The following CRTC1 variants were observed in gnomAD, a reference collection of about 807,000 sequenced individuals.
CRTC1 encodes the protein CREB regulated transcription coactivator 1.
CRTC1 carries 18 observed loss-of-function variants against 66.1 expected under a neutral mutation model. That is an observed-to-expected ratio of 0.27 (90% CI 0.19 to 0.40). The LOEUF (loss-of-function observed/expected upper bound fraction) is 0.40. CRTC1 is among the 10% of genes least tolerant of loss of function. The pLI is 1.00. For missense variants in CRTC1, 669 were observed against 887.9 expected (o/e 0.75, Z 3.13); for synonymous variants, 416 against 398.8 (o/e 1.04, Z -0.51).
intron 1 of CRTC1, among the ~76,000 whole-genome samples, chr19:18,736,211 C>G (rs2053993945): frequency 6.6e-6 from 1 of 152,164 alleles, no homozygotes; most frequent in Non-Finnish European, 1.5e-5. Context: ...CCTCCAAGGC[C>G]CAGGCCTCCT....
Position 18,777,295 on chromosome 19 carries a change from C to T in CRTC1, c.1818C>T (p.Thr606=), listed in dbSNP as rs1424709740. The part of the protein sequence containing the change: ...PLDELKIDPL[T]LDGLHMLNDP... The stretch of plus-strand genomic sequence containing the variant: ...ACGAACTCAAGATCGACCCCCTGAC[C>T]CTCGACGGACTGCACATGCTCAACG... Residue 606 remains threonine (T), a synonymous_variant, in exon 14 of 14, where the codon ACC becomes ACT. Transcript: ENST00000321949. The surrounding 1 kb of genome is among the most constrained non-coding windows in gnomAD (Gnocchi z 5.5). 1.2e-6 allele frequency: 2 copies of T among 1,612,138 alleles called. No homozygotes were observed. The highest frequency in any genetic ancestry group is 1.7e-6 in the Non-Finnish European group (2 of 1,179,996).
intron 1 of CRTC1, among the ~76,000 whole-genome samples, chr19:18,709,130 G>A (rs1328624093): frequency 6.6e-6 from 1 of 152,184 alleles, no homozygotes; most frequent in East Asian, 1.9e-4. Flanking sequence ...GAGGGGCCTT[G>A]TGGAGCCCAG....
In CRTC1 at chr19:18,771,817, G is replaced by T. The variant is rs2054875899; in HGVS notation, c.1425+271G>T. On this transcript the variant is annotated intron_variant, in intron 11 of 13. Coordinates refer to ENST00000321949, the MANE Select transcript of CRTC1 (RefSeq NM_015321.3). The surrounding 1 kb of genome is among the most constrained non-coding windows in gnomAD (Gnocchi z 4.6). ...CGTTAGTGACATTAGCGATGGCTGTGGCCCTGCCTGGATGTCCTCATTGAG... is the reference window on the plus strand; with the variant it reads ...CGTTAGTGACATTAGCGATGGCTGTTGCCCTGCCTGGATGTCCTCATTGAG... Among the ~76,000 whole-genome samples the T allele has an allele frequency of 6.6e-6, 1 of 152,190 alleles. No individual in the cohort carries two copies. Among genetic ancestry groups the T allele is most frequent in the African/African-American group, 2.4e-5 (1 of 41,436 alleles).
chr19:18,711,971 C>T (rs1480318209), intron 1 of CRTC1, among the ~76,000 whole-genome samples: 3 of 152,112 alleles, frequency 2.0e-5, no homozygotes, highest in African/African-American at 7.2e-5. Context: ...TTTTTTGAGA[C>T]AGGGTCTTGC....
chr19:18,683,913 G>GT, intron 1 of CRTC1, 85 bp downstream of exon 1: 1 of 152,568 alleles, frequency 6.6e-6, no homozygotes. Flanking sequence ...GGGCGGGGTG[G>GT]GGGGGGGCGC....
chr19:18,684,914 C>T (rs916967522), intron 1 of CRTC1, among the ~76,000 whole-genome samples: 3 of 152,068 alleles, frequency 2.0e-5, no homozygotes, highest in Admixed American at 2.0e-4. Flanking sequence ...AGACCTTCCT[C>T]TTGGGGCAGG....
At chr19:18,770,111 C>T (rs971390797) in intron 10 of CRTC1, among the ~76,000 whole-genome samples, 1 of 150,576 alleles carries the variant, frequency 6.6e-6, no homozygotes, top group Non-Finnish European at 1.5e-5. Flanking sequence ...AGGCCCTGGA[C>T]CGGTCAGGCT....
At chr19:18,734,956 T>G (rs898470435) in intron 1 of CRTC1, among the ~76,000 whole-genome samples, 1 of 152,166 alleles carries the variant, frequency 6.6e-6, no homozygotes, top group Non-Finnish European at 1.5e-5. Flanking sequence ...TCTGGGAGAA[T>G]GAATCGGTCA....
chr19:18,720,327 C>G (rs554416731), intron 1 of CRTC1, among the ~76,000 whole-genome samples: 1 of 151,994 alleles, frequency 6.6e-6, no homozygotes, highest in African/African-American at 2.4e-5. Context: ...CCACACCTGA[C>G]TAACTTTTGT....
chr19:18,691,173 CAG>C (rs1202976193), intron 1 of CRTC1, among the ~76,000 whole-genome samples: 1 of 141,122 alleles, frequency 7.1e-6, no homozygotes, highest in African/African-American at 2.7e-5. Context: ...GCCTGGGTGA[CAG>C]AGTGAGATCC....
At chr19:18,735,001 C>T (rs1002956990) in intron 1 of CRTC1, among the ~76,000 whole-genome samples, 4 of 152,204 alleles carry the variant, frequency 2.6e-5, no homozygotes, top group African/African-American at 4.8e-5. Context: ...ACCCCTATGG[C>T]GAGGCGTCCG....
chr19:18,778,632 C>G lies in CRTC1; in HGVS notation c.*1250C>G, dbSNP rs573074874. 4.3e-6 allele frequency: 1 copy of G among 230,800 alleles called. No homozygotes were observed. The highest frequency in any genetic ancestry group is 1.8e-4 in the South Asian group (1 of 5,510). 14.3% of individuals were successfully genotyped at this position (230,800 alleles called of 1,614,324 possible). ...GGGCCTTGGCTTTTATTGAGGGTCT[C>G]TCAAAGACCCAGCCTGCCAGCCTCT... is the stretch of plus-strand genomic sequence containing the variant. On this transcript the variant is annotated 3_prime_UTR_variant, in exon 14 of 14. Coordinates refer to ENST00000321949, the MANE Select transcript of CRTC1 (RefSeq NM_015321.3).
chr19:18,725,113 G>T (rs2053717208), intron 1 of CRTC1, among the ~76,000 whole-genome samples: 1 of 152,090 alleles, frequency 6.6e-6, no homozygotes, highest in Admixed American at 6.5e-5. Flanking sequence ...TCACCTTGGG[G>T]AGCTCAGTAT....
intron 5 of CRTC1, among the ~76,000 whole-genome samples, chr19:18,750,339 C>T (rs1324734397): frequency 6.6e-6 from 1 of 152,174 alleles, no homozygotes; most frequent in Non-Finnish European, 1.5e-5. Context: ...CCCCTGGGCC[C>T]GTCCTAGCTA....
chr19:18,772,298 G>A (rs1362794031), intron 11 of CRTC1, among the ~76,000 whole-genome samples: 1 of 152,194 alleles, frequency 6.6e-6, no homozygotes, highest in Admixed American at 6.5e-5. Flanking sequence ...GGTGTGGCCA[G>A]TAGACCCCAC....
intron 1 of CRTC1, among the ~76,000 whole-genome samples, chr19:18,737,867 C>G (rs1242102265): frequency 6.6e-6 from 1 of 152,108 alleles, no homozygotes; most frequent in Non-Finnish European, 1.5e-5. Context: ...ATTTTCTCTT[C>G]CTTAATGATT....
intron 1 of CRTC1, among the ~76,000 whole-genome samples, chr19:18,692,870 T>TA (rs1490385764): frequency 1.3e-5 from 2 of 151,568 alleles, no homozygotes; most frequent in Non-Finnish European, 2.9e-5. Context: ...GGTCAGGAGA[T>TA]AGAGACTATC....
chr19:18,775,851 C>T (rs377308237), intron 13 of CRTC1, 30 bp downstream of exon 13: 226 of 1,537,194 alleles, frequency 1.5e-4, no homozygotes, highest in Non-Finnish European at 4.3e-5. Context: ...GCGTGTGCGG[C>T]GCCCCAAGGG....
chr19:18,761,610 C>A (rs1477444280), intron 8 of CRTC1, among the ~76,000 whole-genome samples: 1 of 152,206 alleles, frequency 6.6e-6, no homozygotes, highest in African/African-American at 2.4e-5. Flanking sequence ...GAAGAAGGAG[C>A]TTTTGGGAGG....
Sources: allele counts gnomAD v4.1 joint callset (sites outside exome capture counted in the v4.1 genomes callset), GRCh38; gene constraint gnomAD v4.1.1; non-coding constraint Gnocchi (gnomAD v3.1); transcripts MANE v1.5; gene names NCBI Gene and HGNC (gene_info 2026-07-23, HGNC 2026-07-21).